The following WASHC5 variants were observed in gnomAD, a reference collection of about 807,000 sequenced individuals.
WASHC5 encodes the protein WASH complex subunit strumpellin.
In WASHC5, 101 loss-of-function variants were observed where a neutral mutation model predicts 150.4. The ratio of observed to expected loss-of-function variants is 0.67; its 90% CI spans 0.57 to 0.79. The LOEUF (loss-of-function observed/expected upper bound fraction) is 0.79. WASHC5 is among the 30% of genes least tolerant of loss of function. The pLI, the probability that WASHC5 is intolerant of heterozygous loss-of-function variation, is 0.00. For missense variants in WASHC5, 1,195 were observed against 1,396.3 expected (o/e 0.86, Z 2.30); for synonymous variants, 467 against 491.2 (o/e 0.95, Z 0.65).
At chr8:125,083,685 C>T (rs112303136) in intron 2 of WASHC5, 28 bp downstream of exon 2, 10 of 1,550,226 alleles carry the variant, frequency 6.5e-6, no homozygotes, top group African/African-American at 5.4e-5. Flanking sequence ...GAAAAGACAA[C>T]AATAAAAATG....
intron 6 of WASHC5, among the ~76,000 whole-genome samples, chr8:125,078,285 T>G (rs1326419588): frequency 6.6e-6 from 1 of 152,160 alleles, no homozygotes; most frequent in African/African-American, 2.4e-5. Context: ...TGTTGTGACC[T>G]TGCTGCCACT....
intron 19 of WASHC5, 141 bp downstream of exon 19, chr8:125,048,865 C>T: frequency 1.5e-6 from 1 of 679,802 alleles, no homozygotes; most frequent in South Asian, 2.0e-5. Context: ...TTTTCTGCAA[C>T]CCTCCTGGCT....
chr8:125,059,765 T>C (rs1816534992), intron 12 of WASHC5, among the ~76,000 whole-genome samples: 1 of 152,242 alleles, frequency 6.6e-6, no homozygotes, highest in South Asian at 2.1e-4. Flanking sequence ...ATCACAACCA[T>C]GTGTTGGAAT....
chr8:125,060,195 T>C (rs1168298982), intron 12 of WASHC5, among the ~76,000 whole-genome samples: 2 of 152,136 alleles, frequency 1.3e-5, no homozygotes, highest in East Asian at 1.9e-4. Flanking sequence ...ATGTTTTAAA[T>C]AATAGAGTTG....
intron 20 of WASHC5, 126 bp downstream of exon 20, chr8:125,047,081 G>A (rs1816089817): frequency 8.5e-7 from 1 of 1,180,494 alleles, no homozygotes; most frequent in Admixed American, 1.7e-5. Context: ...TTGCCCTAAA[G>A]GGTCAGAATA....
chr8:125,043,788 T>G (rs1159390893), intron 23 of WASHC5, 37 bp downstream of exon 23: 5 of 1,409,854 alleles, frequency 3.5e-6, no homozygotes, highest in Admixed American at 1.7e-5. Context: ...TTTAAAAATG[T>G]AAGTATTGAC....
intron 1 of WASHC5, among the ~76,000 whole-genome samples, chr8:125,088,412 G>A (rs1817484922): frequency 1.4e-5 from 2 of 139,750 alleles, no homozygotes; most frequent in African/African-American, 5.2e-5. Flanking sequence ...GTGACAGAGT[G>A]AGACTTCATC....
At chr8:125,055,734 A>G in intron 16 of WASHC5, 63 bp from the exon 17 acceptor site, 1 of 1,015,396 alleles carries the variant, frequency 9.8e-7, no homozygotes, top group South Asian at 1.3e-5. Flanking sequence ...GAACAAAGAT[A>G]ACAGGAAAAG....
At chr8:125,072,669 C>A (rs1418042323) in intron 9 of WASHC5, among the ~76,000 whole-genome samples, 2 of 152,174 alleles carry the variant, frequency 1.3e-5, no homozygotes, top group African/African-American at 2.4e-5. Context: ...CCACCACACA[C>A]AGCAAGGACC....
At chr8:125,026,037 ATAAAGC>A (rs1261994953) in intron 28 of WASHC5, among the ~76,000 whole-genome samples, 1 of 152,186 alleles carries the variant, frequency 6.6e-6, no homozygotes, top group Non-Finnish European at 1.5e-5. Context: ...TTTAAAATAG[ATAAAGC>A]TAAATTGCCC....
chr8:125,028,544 C>G (rs1248015432), intron 28 of WASHC5, 76 bp downstream of exon 28: 15 of 1,065,728 alleles, frequency 1.4e-5, no homozygotes, highest in Non-Finnish European at 2.2e-5. Context: ...GGGCTTCACT[C>G]CTGATGAATC....
chr8:125,048,983 G>T, intron 19 of WASHC5, 23 bp downstream of exon 19: 2 of 1,580,040 alleles, frequency 1.3e-6, no homozygotes, highest in Non-Finnish European at 1.7e-6. Flanking sequence ...ATATAGTCAA[G>T]AATTTTAAAA....
In WASHC5 at chr8:125,076,236, A is replaced by C. The variant is rs924778720; in HGVS notation, c.864+112T>G. On this transcript the variant is annotated intron_variant, in intron 7 of 28. Coordinates refer to ENST00000318410, the MANE Select transcript of WASHC5 (RefSeq NM_014846.4). ...CAGTTAGAGCAAGTTTACCTAAGTG[A>C]TGTTATGTCCCATTATTTACAACAT... 9 of 943,718 alleles carry C rather than the reference A, an allele frequency of 9.5e-6. No homozygotes were observed. The African/African-American group carries it at 1.3e-4, about 14-fold the overall frequency. 58.5% of individuals were successfully genotyped at this position (943,718 alleles called of 1,614,324 possible).
At chr8:125,037,103 C>A in intron 26 of WASHC5, 134 bp downstream of exon 26, 2 of 668,470 alleles carry the variant, frequency 3.0e-6, no homozygotes, top group Non-Finnish European at 5.4e-6. Context: ...CATAAAGACT[C>A]GAATTTCATA....
At chr8:125,060,635 T>A (rs1308643278) in intron 12 of WASHC5, among the ~76,000 whole-genome samples, 1 of 144,454 alleles carries the variant, frequency 6.9e-6, no homozygotes, top group Non-Finnish European at 1.5e-5. Flanking sequence ...CAATAAACTA[T>A]TTTTTTCAGA....
At chr8:125,046,544 T>A (rs1816074243) in intron 20 of WASHC5, among the ~76,000 whole-genome samples, 1 of 152,106 alleles carries the variant, frequency 6.6e-6, no homozygotes. Flanking sequence ...CTGGAGTGTA[T>A]TCTGGGTCCG....
rs1816792176 is a variant in WASHC5, at chr8:125,067,793, T to C, written c.1151-74A>G. 6.6e-6 allele frequency: 10 copies of C among 1,504,052 alleles called. No individual in the cohort carries two copies. The Admixed American group carries it at 1.7e-4, about 26-fold the overall frequency. The allele number at this position is 1,504,052 out of a possible 1,614,324, so 93.2% of individuals were successfully genotyped here. A position where few individuals can be genotyped will look rare whatever the true frequency, so the allele number is the denominator to read the frequency against. On this transcript the variant is annotated intron_variant, in intron 9 of 28. Coordinates refer to ENST00000318410, the MANE Select transcript of WASHC5 (RefSeq NM_014846.4). ...CTATGAAATAAGATAAATTATTAAATATTTTCCTTCATTTTAACCATTTAA... is the reference window on the plus strand; with the variant it reads ...CTATGAAATAAGATAAATTATTAAACATTTTCCTTCATTTTAACCATTTAA...
At chr8:125,039,077 A>G in intron 24 of WASHC5, 118 bp from the exon 25 acceptor site, 2 of 1,139,500 alleles carry the variant, frequency 1.8e-6, no homozygotes, top group Non-Finnish European at 2.6e-6. Flanking sequence ...GTAAAATGAG[A>G]GCTTGATCTC....
intron 26 of WASHC5, chr8:125,032,661 AT>A: frequency 4.2e-6 from 2 of 471,430 alleles, no homozygotes; most frequent in Admixed American, 6.8e-5. Context: ...CTCAATTAAC[AT>A]ATATTATTGT....
Sources: allele counts gnomAD v4.1 joint callset (sites outside exome capture counted in the v4.1 genomes callset), GRCh38; gene constraint gnomAD v4.1.1; transcripts MANE v1.5; gene names NCBI Gene and HGNC (gene_info 2026-07-23, HGNC 2026-07-21).